The following PRMT3 variants were observed in gnomAD, a reference collection of about 807,000 sequenced individuals.
PRMT3 encodes protein arginine methyltransferase 3.
In PRMT3, 62 loss-of-function variants were observed where a neutral mutation model predicts 71.9. That is an observed-to-expected ratio of 0.86 (90% CI 0.70 to 1.07). The LOEUF (loss-of-function observed/expected upper bound fraction) is 1.07, where lower values mean the gene tolerates loss of function less well. Ranked by LOEUF, PRMT3 falls within the 50% of genes least tolerant of loss-of-function variation. The pLI is 0.00. For missense variants in PRMT3, 663 were observed against 643.0 expected, an observed-to-expected ratio of 1.03 and a Z score of -0.34; for synonymous variants, 213 against 220.4, an observed-to-expected ratio of 0.97 and a Z score of 0.30.
rs180792637 is a variant in PRMT3 at position 20,412,848 on chromosome 11, G to T, written c.893+4816G>T. Among the ~76,000 whole-genome samples, 576 of 152,264 alleles carry T rather than the reference G, an allele frequency of 3.8e-3. 1 individual carries two copies. Among genetic ancestry groups the T allele is most frequent in the Non-Finnish European group, 5.4e-3 (367 of 68,006 alleles). On this transcript the variant is annotated intron_variant, in intron 9 of 15. Coordinates refer to ENST00000331079, the MANE Select transcript of PRMT3 (RefSeq NM_005788.4). The stretch of plus-strand genomic sequence containing the variant: ...TAAGAGGCTGGGCATGGTGGCATGT[G>T]CCTGAGGCAGGAGAATCACTTGAGA...
At chr11:20,440,509 A>AG (rs1380220177) in intron 10 of PRMT3, among the ~76,000 whole-genome samples, 10 of 149,992 alleles carry the variant, frequency 6.7e-5, no homozygotes, top group Non-Finnish European at 1.0e-4. Context: ...AAAAAAAAAA[A>AG]AGAGAAAATA....
At chr11:20,405,762 A>C (rs1231981403) in intron 8 of PRMT3, 2 of 152,194 alleles carry the variant, frequency 1.3e-5, no homozygotes, top group African/African-American at 4.8e-5. Flanking sequence ...TTTCTTGGAG[A>C]AATTCCTTAT....
intron 15 of PRMT3, among the ~76,000 whole-genome samples, chr11:20,504,707 T>TGAGTGAGAGAGAGAGAGA (rs1555026060): frequency 2.2e-5 from 3 of 133,590 alleles, no homozygotes; most frequent in African/African-American, 9.1e-5. Context: ...TGTGTGTGTG[T>TGAGTGAGAGAGAGAGAGA]GAGAGAGAGA....
At position 20,392,926 on chromosome 11, in the gene PRMT3, A is replaced by G. The variant is rs1482374930; in HGVS notation, c.327A>G (p.Ile109Met). ...KNPTVEYMNS[I>M]YNPVPWEKEE... ...CTACAGTTGAGTACATGAATTCCAT[A>G]TACAACCCAGTGCCTTGGGAGAAAG... Residue 109 changes from isoleucine (I) to methionine (M), a missense_variant, in exon 5 of 16, where the codon ATA becomes ATG. Transcript: ENST00000331079. 10 of 1,603,178 alleles carry G rather than the reference A, an allele frequency of 6.2e-6. No individual in the cohort carries two copies. Among genetic ancestry groups the G allele is most frequent in the Non-Finnish European group, 8.5e-6 (10 of 1,170,196 alleles).
At position 20,391,677 on chromosome 11, in the gene PRMT3, CAAAT is replaced by C. The variant is rs546645897; in HGVS notation, c.248-531_248-528del. Reference sequence around the variant, plus strand: ...TTTTCTCATAACAAGAGTTTTATGACAAATAATTGGTTGGTTGGATGTATTACTG... The same window carrying C: ...TTTTCTCATAACAAGAGTTTTATGACAATTGGTTGGTTGGATGTATTACTG... On this transcript the variant is annotated intron_variant, in intron 3 of 15. Transcript: ENST00000331079. 1.2e-3 allele frequency among the ~76,000 whole-genome samples: 177 copies of C among 152,122 alleles called. 1 individual carries two copies. Among genetic ancestry groups the C allele is most frequent in the African/African-American group, 4.0e-3 (164 of 41,492 alleles).
At chr11:20,464,697 G>T in intron 13 of PRMT3, 151 bp downstream of exon 13, 1 of 1,215,316 alleles carries the variant, frequency 8.2e-7, no homozygotes, top group Non-Finnish European at 1.1e-6. Context: ...GAACAGATCT[G>T]GTTAATAGGT....
chr11:20,420,026 G>T (rs1303412430), intron 9 of PRMT3, among the ~76,000 whole-genome samples: 1 of 152,098 alleles, frequency 6.6e-6, no homozygotes, highest in Non-Finnish European at 1.5e-5. Context: ...ACAAAAATTA[G>T]CCCAGCATGG....
At chr11:20,492,668 C>G (rs115899945) in intron 13 of PRMT3, among the ~76,000 whole-genome samples, 2,561 of 152,202 alleles carry the variant, frequency 0.017, 89 homozygotes, top group African/African-American at 0.059. Flanking sequence ...TGATTAAGTC[C>G]AGCTAGTTCC....
At chr11:20,452,836 A>T (rs1039861749) in intron 11 of PRMT3, among the ~76,000 whole-genome samples, 2 of 152,210 alleles carry the variant, frequency 1.3e-5, no homozygotes, top group African/African-American at 4.8e-5. Context: ...ATACATACAA[A>T]ATAATTGTCT....
At chr11:20,477,284 A>ACACATCAAGGG in intron 13 of PRMT3, among the ~76,000 whole-genome samples, 1 of 152,136 alleles carries the variant, frequency 6.6e-6, no homozygotes, top group Non-Finnish European at 1.5e-5. Context: ...TGGGTTTTAA[A>ACACATCAAGGG]GTGAGTCTTG....
intron 13 of PRMT3, among the ~76,000 whole-genome samples, chr11:20,471,971 A>G (rs534309555): frequency 6.6e-6 from 1 of 151,720 alleles, no homozygotes; most frequent in South Asian, 2.1e-4. Context: ...TGTGAATGGG[A>G]GCTCATTCAT....
In PRMT3 at chr11:20,403,030, G is replaced by A. The variant is rs751957673; in HGVS notation, c.771+46G>A. 7.1e-6 allele frequency: 10 copies of A among 1,415,916 alleles called. No homozygotes were observed. The Middle Eastern group carries it at 9.3e-4, about 132-fold the overall frequency. 87.7% of individuals were successfully genotyped at this position (1,415,916 alleles called of 1,614,324 possible). On this transcript the variant is annotated intron_variant, in intron 8 of 15. Transcript: ENST00000331079. Reference sequence around the variant, plus strand: ...AATTATACATTTCATCTTGTTCTTGGGCAGTAGAAATCCTCTCTTGGCTCA... The same window carrying A: ...AATTATACATTTCATCTTGTTCTTGAGCAGTAGAAATCCTCTCTTGGCTCA...
intron 9 of PRMT3, among the ~76,000 whole-genome samples, chr11:20,424,898 A>C (rs1484795587): frequency 6.6e-6 from 1 of 152,078 alleles, no homozygotes; most frequent in African/African-American, 2.4e-5. Context: ...AGGTAGGTGG[A>C]TTGTTTGAGA....
chr11:20,429,508 TC>T (rs1398960184), intron 10 of PRMT3, among the ~76,000 whole-genome samples: 1 of 152,178 alleles, frequency 6.6e-6, no homozygotes, highest in Non-Finnish European at 1.5e-5. Flanking sequence ...ACCTCTCTCT[TC>T]ATCAGGAAGG....
chr11:20,462,188 A>AT (rs1850401327), intron 12 of PRMT3, 21 bp downstream of exon 12: 8 of 1,522,966 alleles, frequency 5.3e-6, no homozygotes, highest in Non-Finnish European at 7.1e-6. Flanking sequence ...TACCAACTTT[A>AT]TTTTTTATAA....
chr11:20,450,024 G>C (rs1282192515), intron 10 of PRMT3, among the ~76,000 whole-genome samples: 1 of 152,114 alleles, frequency 6.6e-6, no homozygotes, highest in Admixed American at 6.6e-5. Context: ...GAAAGAAAAA[G>C]AAAGGATATT....
intron 7 of PRMT3, among the ~76,000 whole-genome samples, chr11:20,401,345 A>T (rs1429872618): frequency 6.6e-6 from 1 of 152,176 alleles, no homozygotes; most frequent in East Asian, 1.9e-4. Context: ...TATGCTTTGA[A>T]AAAAAGTTTT....
At chr11:20,499,097 G>T (rs2133462206) in intron 15 of PRMT3, among the ~76,000 whole-genome samples, 1 of 152,072 alleles carries the variant, frequency 6.6e-6, no homozygotes, top group East Asian at 1.9e-4. Flanking sequence ...ATGTTTTTAG[G>T]CTTAAAACAT....
rs1248718116 is a variant in PRMT3, at chr11:20,508,604, T to TG, written c.*191_*192insG. ...GCTGAGGAAGAGAATCAGCTGATCC[T>TG]CATGGTCTGCCACGTAATCATTTTC... On this transcript the variant is annotated 3_prime_UTR_variant, in exon 16 of 16. Coordinates refer to ENST00000331079, the MANE Select transcript of PRMT3 (RefSeq NM_005788.4). 1.9e-5 allele frequency: 13 copies of TG among 686,586 alleles called. 1 individual carries two copies. Among genetic ancestry groups the TG allele is most frequent in the Non-Finnish European group, 3.2e-5 (12 of 373,964 alleles). The allele number at this position is 686,586 out of a possible 1,614,324, so 42.5% of individuals were successfully genotyped here.
Sources: gnomAD v4.1 joint callset for allele counts (sites outside exome capture counted in the v4.1 genomes callset) on GRCh38, gnomAD v4.1.1 for gene constraint, MANE v1.5 for transcripts, NCBI Gene and HGNC (gene_info 2026-07-23, HGNC 2026-07-21) for gene names.